The following ANO10 variants were observed in gnomAD, a reference collection of about 807,000 sequenced individuals.
The protein encoded by ANO10 is anoctamin-10.
ANO10 carries 77 observed loss-of-function variants against 74.7 expected under a neutral mutation model. The ratio of observed to expected loss-of-function variants is 1.03; its 90% CI spans 0.86 to 1.25. The LOEUF (loss-of-function observed/expected upper bound fraction) is 1.25. ANO10 is among the 50% of genes most tolerant of loss of function. ANO10 has a pLI of 0.00. For missense variants in ANO10, 721 were observed against 778.1 expected (o/e 0.93, Z 0.87); for synonymous variants, 279 against 284.9 (o/e 0.98, Z 0.21).
At position 43,432,637 on chromosome 3, in the gene ANO10, C is replaced by CA; in HGVS notation, c.1887dup (p.Glu630Ter). 1 of 1,613,784 alleles carries CA rather than the reference C, an allele frequency of 6.2e-7. No individual in the cohort carries two copies. Among genetic ancestry groups the CA allele is most frequent in the Non-Finnish European group, 8.5e-7 (1 of 1,179,722 alleles). On this transcript the variant is annotated frameshift_variant, in exon 12 of 13. Transcript: ENST00000292246. LOFTEE classifies it high-confidence loss of function. ...TGCTGCTTGAGTGCCTCCAAAGACT[C>CA]AAATTCCAGTCTGGCTAGTTTCATC...
intron 12 of ANO10, among the ~76,000 whole-genome samples, chr3:43,430,813 T>C (rs1016397796): frequency 6.6e-6 from 1 of 152,102 alleles, no homozygotes; most frequent in Non-Finnish European, 1.5e-5. Context: ...ATTGGATATT[T>C]ACAAGATTGA....
At chr3:43,549,666 A>C (rs2079364636) in intron 11 of ANO10, 54 bp downstream of exon 11, 6 of 1,602,986 alleles carry the variant, frequency 3.7e-6, no homozygotes, top group Non-Finnish European at 5.1e-6. Context: ...ACTGCTTTGG[A>C]ATAGAGAAAC....
At chr3:43,385,251 T>C (rs948714556) in intron 12 of ANO10, among the ~76,000 whole-genome samples, 1 of 151,862 alleles carries the variant, frequency 6.6e-6, no homozygotes, top group African/African-American at 2.4e-5. Flanking sequence ...AATCAAAAAA[T>C]AAAAAGTAAT....
At chr3:43,492,784 A>G (rs2076772402) in intron 11 of ANO10, among the ~76,000 whole-genome samples, 1 of 152,178 alleles carries the variant, frequency 6.6e-6, no homozygotes, top group African/African-American at 2.4e-5. Flanking sequence ...AAGTCATGAA[A>G]CAACAGATGC....
At chr3:43,677,095 C>T (rs754369202) in intron 1 of ANO10, among the ~76,000 whole-genome samples, 4 of 152,166 alleles carry the variant, frequency 2.6e-5, no homozygotes, top group Non-Finnish European at 5.9e-5. Flanking sequence ...CCCAGCTGCC[C>T]ATCAACAGTG....
At chr3:43,640,615 C>G (rs1222942351) in intron 1 of ANO10, among the ~76,000 whole-genome samples, 1 of 152,158 alleles carries the variant, frequency 6.6e-6, no homozygotes, top group African/African-American at 2.4e-5. Flanking sequence ...AGCACACACT[C>G]CCAAATAAAA....
chr3:43,437,802 T>C (rs1216201015), intron 11 of ANO10, among the ~76,000 whole-genome samples: 1 of 149,858 alleles, frequency 6.7e-6, no homozygotes, highest in East Asian at 2.0e-4. Context: ...AGCTAGTCTG[T>C]AATGACAGAG....
intron 5 of ANO10, among the ~76,000 whole-genome samples, chr3:43,578,760 A>C (rs2081130422): frequency 9.7e-6 from 1 of 103,154 alleles, no homozygotes; most frequent in Non-Finnish European, 2.0e-5. Flanking sequence ...AAAAAAAAAA[A>C]AAAAAAAAAA....
intron 11 of ANO10, among the ~76,000 whole-genome samples, chr3:43,490,380 A>C (rs2076673733): frequency 6.6e-6 from 1 of 152,250 alleles, no homozygotes; most frequent in African/African-American, 2.4e-5. Flanking sequence ...ATAAAAAGCA[A>C]AACAATGAGA....
intron 12 of ANO10, among the ~76,000 whole-genome samples, chr3:43,400,257 G>T (rs2092455334): frequency 6.6e-6 from 1 of 151,580 alleles, no homozygotes; most frequent in East Asian, 1.9e-4. Flanking sequence ...AGTCCTACTA[G>T]ATGGTAATAA....
intron 11 of ANO10, among the ~76,000 whole-genome samples, chr3:43,540,008 C>T (rs148984392): frequency 3.4e-4 from 52 of 152,286 alleles, no homozygotes; most frequent in African/African-American, 1.2e-3. Flanking sequence ...ACAGATTATA[C>T]ATTAACCATC....
rs1169816392 is a variant in ANO10, at chr3:43,562,455, CAAAAA to C, written c.1294-1058_1294-1054del. Reference sequence around the variant, plus strand: ...CGGCAGAACGAGGCTCTGTCTCAAACAAAAAAAAAAAAAAAAGAAGTTTGAGACCA... The same window carrying C: ...CGGCAGAACGAGGCTCTGTCTCAAACAAAAAAAAAAAGAAGTTTGAGACCA... On this transcript the variant is annotated intron_variant, in intron 8 of 12. Coordinates refer to ENST00000292246, the MANE Select transcript of ANO10 (RefSeq NM_018075.5). Among the ~76,000 whole-genome samples the C allele has an allele frequency of 6.4e-4, 45 of 69,960 alleles. No homozygotes were observed. The East Asian group carries it at 0.021, about 33-fold the overall frequency. The allele number at this position is 69,960 out of a possible 152,430, so 45.9% of individuals were successfully genotyped here.
chr3:43,637,298 T>G lies in ANO10; in HGVS notation c.-11-31435A>C, dbSNP rs561839378. 5.7e-4 allele frequency among the ~76,000 whole-genome samples: 87 copies of G among 152,098 alleles called. No homozygotes were observed. The Middle Eastern group carries it at 0.017, about 30-fold the overall frequency. On this transcript the variant is annotated intron_variant, in intron 1 of 3. Transcript: ENST00000413397. The stretch of plus-strand genomic sequence containing the variant: ...GCCTGGCCAACATGGTGAAACCCGG[T>G]CTCTACTAAAAATACAAAAATTAGC...
chr3:43,565,494 C>A (rs2080266916), intron 8 of ANO10, among the ~76,000 whole-genome samples, 159 bp downstream of exon 8: 1 of 151,998 alleles, frequency 6.6e-6, no homozygotes, highest in African/African-American at 2.4e-5. Flanking sequence ...ATACACAATG[C>A]CATTCCTAAT....
chr3:43,526,025 TC>T (rs1445250221), intron 11 of ANO10, among the ~76,000 whole-genome samples: 1 of 152,204 alleles, frequency 6.6e-6, no homozygotes, highest in Non-Finnish European at 1.5e-5. Flanking sequence ...TCTAGCATAT[TC>T]ACATAATATA....
rs559444229 is a variant in ANO10 at position 43,589,662 on chromosome 3, G to A, written c.472+8870C>T. Among the ~76,000 whole-genome samples, 16 of 152,174 alleles carry A rather than the reference G, an allele frequency of 1.1e-4. No individual in the cohort carries two copies. In the South Asian group the frequency reaches 3.1e-3, roughly 30 times the overall value. On this transcript the variant is annotated intron_variant, in intron 4 of 12. Transcript: ENST00000292246. ...TTAATTGAAGCAATCACTATAGAGA[G>A]CAATTTGGCAGTATCTACTCTAAAA... is the stretch of plus-strand genomic sequence containing the variant.
chr3:43,379,273 T>C (rs1322190814), intron 12 of ANO10, among the ~76,000 whole-genome samples: 1 of 152,236 alleles, frequency 6.6e-6, no homozygotes, highest in African/African-American at 2.4e-5. Context: ...TCGGGTACTG[T>C]TAGTAATTAA....
intron 11 of ANO10, among the ~76,000 whole-genome samples, chr3:43,460,444 G>T (rs2075327888): frequency 6.6e-6 from 1 of 152,146 alleles, no homozygotes; most frequent in African/African-American, 2.4e-5. Flanking sequence ...ACTTTCTTGG[G>T]GTGGAAGGTA....
At chr3:43,541,687 A>G (rs2078962850) in intron 11 of ANO10, among the ~76,000 whole-genome samples, 1 of 152,180 alleles carries the variant, frequency 6.6e-6, no homozygotes. Context: ...AATCACTTGA[A>G]AACAAAGAGT....
Sources: gnomAD v4.1 joint callset for allele counts (sites outside exome capture counted in the v4.1 genomes callset) on GRCh38, gnomAD v4.1.1 for gene constraint, MANE v1.5 for transcripts, NCBI Gene and HGNC (gene_info 2026-07-23, HGNC 2026-07-21) for gene names.